Variants in NR2C2 observed in about 807,000 individuals in gnomAD.
NR2C2 encodes the protein nuclear receptor subfamily 2 group C member 2.
Under a neutral mutation model 62.9 loss-of-function variants are expected in NR2C2, and 6 were observed. That is an observed-to-expected ratio of 0.10 (90% confidence interval 0.05 to 0.19). The LOEUF (loss-of-function observed/expected upper bound fraction) is 0.19, where lower values mean the gene tolerates loss of function less well. Among genes scored for constraint, NR2C2 ranks in the 10% least tolerant of loss-of-function variants. The pLI, the probability that NR2C2 is intolerant of heterozygous loss-of-function variation, is 1.00. For synonymous variants in NR2C2, 272 were observed against 273.8 expected (o/e 0.99, Z 0.07); for missense variants, 479 against 762.7 (o/e 0.63, Z 4.38).
chr3:15,025,574 A>C (rs545879975), intron 7 of NR2C2: 2 of 152,238 alleles, frequency 1.3e-5, no homozygotes, highest in Non-Finnish European at 2.9e-5. Flanking sequence ...AATAAAACAT[A>C]TGCAAAGCAC....
Position 14,949,038 on chromosome 3 carries a change from A to G in NR2C2, c.-40+1132A>G, listed in dbSNP as rs549700326. ...ACCAGGAGAGGCAAGCGTTAAGGGT[A>G]TTTGGGGTTTGAGAGAGCACAATTC... On this transcript the variant is annotated intron_variant, in intron 1 of 13. Transcript: ENST00000425241. Among the ~76,000 whole-genome samples the G allele has an allele frequency of 7.2e-4, 109 of 152,248 alleles. 1 individual carries two copies. The highest frequency in any genetic ancestry group is 2.6e-3 in the African/African-American group (107 of 41,558).
chr3:15,025,718 TG>T (rs1230796852), intron 7 of NR2C2: 1 of 153,434 alleles, frequency 6.5e-6, no homozygotes, highest in Non-Finnish European at 1.5e-5. Flanking sequence ...GTCCTCCCAG[TG>T]GTTATGTCAT....
chr3:15,005,360 G>A (rs1032997225), intron 2 of NR2C2, among the ~76,000 whole-genome samples: 9 of 132,358 alleles, frequency 6.8e-5, no homozygotes, highest in African/African-American at 2.0e-4. Context: ...ATACACACAC[G>A]CATAATGCTT....
rs772709871 is a variant in NR2C2 at position 15,039,246 on chromosome 3, T to TGCGC, written c.1616+20_1616+23dup. 6.4e-5 allele frequency: 98 copies of TGCGC among 1,523,210 alleles called. No homozygotes were observed. In the African/African-American group the frequency reaches 1.0e-3, roughly 16 times the overall value. 94.4% of individuals were successfully genotyped at this position (1,523,210 alleles called of 1,614,324 possible). ...CCTACCGGTGAGGCATTCAGGCATA[T>TGCGC]GCGCTCTTGCTTGGGGCTGCAAGGA... On this transcript the variant is annotated intron_variant, in intron 13 of 13. Transcript: ENST00000425241.
Position 15,003,897 on chromosome 3 carries a change from C to G in NR2C2, c.-18C>G. ...ACAGGTAACACGTACACAGACCTCT[C>G]GGCCGGAATCTCCAGGGATGACCAG... is the stretch of plus-strand genomic sequence containing the variant. On this transcript the variant is annotated 5_prime_UTR_variant, in exon 2 of 14. Coordinates refer to ENST00000425241, the MANE Select transcript of NR2C2 (RefSeq NM_001291694.2). 1 of 1,613,554 alleles carries G rather than the reference C, an allele frequency of 6.2e-7. No homozygotes were observed. Among genetic ancestry groups the G allele is most frequent in the South Asian group, 1.1e-5 (1 of 91,076 alleles).
At chr3:15,036,523 C>T (rs2042107905) in intron 11 of NR2C2, among the ~76,000 whole-genome samples, 1 of 152,230 alleles carries the variant, frequency 6.6e-6, no homozygotes, top group African/African-American at 2.4e-5. Context: ...GATACAGTCT[C>T]TCTGTGTTGC....
intron 13 of NR2C2, among the ~76,000 whole-genome samples, chr3:15,039,879 G>A (rs758693603): frequency 5.3e-5 from 8 of 152,166 alleles, no homozygotes; most frequent in East Asian, 3.8e-4. Context: ...GACCGGGCAC[G>A]GTGGCTCACG....
intron 8 of NR2C2, 58 bp from the exon 9 acceptor site, chr3:15,030,217 C>T (rs1559304427): frequency 7.2e-7 from 1 of 1,390,492 alleles, no homozygotes; most frequent in Non-Finnish European, 1.0e-6. Flanking sequence ...AGCTAGAATT[C>T]TGTTCCCCCT....
chr3:14,983,402 C>A (rs2040428652), intron 1 of NR2C2, among the ~76,000 whole-genome samples: 1 of 151,192 alleles, frequency 6.6e-6, no homozygotes, highest in Non-Finnish European at 1.5e-5. Context: ...TAATATTAAA[C>A]CCATCTTGTA....
At chr3:14,952,162 C>T (rs1259329384) in intron 1 of NR2C2, among the ~76,000 whole-genome samples, 2 of 152,222 alleles carry the variant, frequency 1.3e-5, no homozygotes, top group African/African-American at 4.8e-5. Context: ...TTGGTAGCCT[C>T]TCTGAGGCTT....
chr3:14,976,071 G>A (rs1390295446), intron 1 of NR2C2, among the ~76,000 whole-genome samples: 1 of 152,130 alleles, frequency 6.6e-6, no homozygotes, highest in Non-Finnish European at 1.5e-5. Context: ...ACCACACCCA[G>A]TCCAGATTTT....
At chr3:15,032,676 C>A (rs1454038993) in intron 10 of NR2C2, among the ~76,000 whole-genome samples, 176 bp downstream of exon 10, 1 of 152,194 alleles carries the variant, frequency 6.6e-6, no homozygotes, top group South Asian at 2.1e-4. Flanking sequence ...TACCAGTTGC[C>A]AGTTCTGCAA....
chr3:15,000,814 GTT>G (rs60214973), intron 1 of NR2C2, among the ~76,000 whole-genome samples: 9,410 of 126,848 alleles, frequency 0.074, 266 homozygotes, highest in Middle Eastern at 0.11. Context: ...ATTTATTTAG[GTT>G]TTTTTTTTTT....
intron 1 of NR2C2, among the ~76,000 whole-genome samples, chr3:14,949,099 A>G (rs760704978): frequency 6.6e-6 from 1 of 152,218 alleles, no homozygotes; most frequent in African/African-American, 2.4e-5. Flanking sequence ...CGCTGAATAC[A>G]TGTTGACTTA....
chr3:14,996,738 T>A (rs1006815549), intron 1 of NR2C2, among the ~76,000 whole-genome samples: 1 of 152,180 alleles, frequency 6.6e-6, no homozygotes, highest in Admixed American at 6.5e-5. Flanking sequence ...GCCCAGCTAA[T>A]TTTTTGGTAG....
chr3:14,986,712 G>C (rs1484739919), intron 1 of NR2C2, among the ~76,000 whole-genome samples: 1 of 152,180 alleles, frequency 6.6e-6, no homozygotes, highest in Non-Finnish European at 1.5e-5. Context: ...TAGAGAATTA[G>C]AAAATGAAAG....
chr3:15,023,627 A>G (rs906541872), intron 6 of NR2C2, among the ~76,000 whole-genome samples: 1 of 152,240 alleles, frequency 6.6e-6, no homozygotes, highest in African/African-American at 2.4e-5. Flanking sequence ...TTATGATTCA[A>G]GATTGGGGCA....
At chr3:15,040,364 C>G (rs1320041260) in intron 13 of NR2C2, among the ~76,000 whole-genome samples, 1 of 152,136 alleles carries the variant, frequency 6.6e-6, no homozygotes, top group Non-Finnish European at 1.5e-5. Context: ...TTTCCTGTTT[C>G]CCTCCCCACC....
chr3:14,953,284 C>G (rs58655099), intron 1 of NR2C2, among the ~76,000 whole-genome samples: 2,410 of 152,214 alleles, frequency 0.016, 67 homozygotes, highest in African/African-American at 0.054. Context: ...TAACAGTTAC[C>G]TCAAAGATTC....
Sources: allele counts gnomAD v4.1 joint callset (sites outside exome capture counted in the v4.1 genomes callset), GRCh38; gene constraint gnomAD v4.1.1; transcripts MANE v1.5; gene names NCBI Gene and HGNC (gene_info 2026-07-23, HGNC 2026-07-21).